The following DST variants were observed in gnomAD, a reference collection of about 807,000 sequenced individuals.
DST encodes bullous pemphigoid antigen.
In DST, 253 loss-of-function variants were observed where a neutral mutation model predicts 875.2. The observed-to-expected ratio is 0.29, with a 90% confidence interval of 0.26 to 0.32. The LOEUF is 0.32. Among genes scored for constraint, DST ranks in the 10% least tolerant of loss-of-function variants. DST has a pLI of 1.00. For missense variants in DST, 8,287 were observed against 9,111.6 expected, an observed-to-expected ratio of 0.91 and a Z score of 3.68; for synonymous variants, 3,124 against 3,197.1, an observed-to-expected ratio of 0.98 and a Z score of 0.77.
At chr6:56,861,813 G>A (rs1472833067) in intron 3 of DST, 2 of 152,136 alleles carry the variant, frequency 1.3e-5, no homozygotes. Flanking sequence ...TGACACCGTG[G>A]TATGCATCTT....
chr6:56,615,713 A>G lies in DST; in HGVS notation c.4930-1229T>C, dbSNP rs377386742. ...GAGTTTTGTGGCAATGAGGACATCT[A>G]TAATACCTACTTGGAGAGCCTCTTC... On this transcript the variant is annotated intron_variant, in intron 36 of 103. Coordinates refer to ENST00000680361, the MANE Select transcript of DST (RefSeq NM_001374736.1). The G allele has an allele frequency of 3.7e-6, 6 of 1,614,074 alleles. No individual in the cohort carries two copies. The African/African-American group carries it at 8.0e-5, about 22-fold the overall frequency.
At position 56,495,248 on chromosome 6, in the gene DST, C is replaced by A. The variant is rs545213382; in HGVS notation, c.20224-1068G>T. 2.0e-5 allele frequency among the ~76,000 whole-genome samples: 3 copies of A among 151,954 alleles called. No individual in the cohort carries two copies. The East Asian group carries it at 5.8e-4, about 29-fold the overall frequency. ...GTACTTTTCTTCATTTCTAGCACAA[C>A]AAAATCAAAAGAACTTTATTGAAAT... On this transcript the variant is annotated intron_variant, in intron 82 of 103. Coordinates refer to ENST00000680361, the MANE Select transcript of DST (RefSeq NM_001374736.1).
chr6:56,492,503 G>A, intron 84 of DST, 70 bp from the exon 85 acceptor site: 1 of 1,405,694 alleles, frequency 7.1e-7, no homozygotes, highest in Non-Finnish European at 9.8e-7. Context: ...TGCTTCTGGT[G>A]TCATAAACCT....
At chr6:56,489,399 A>T in intron 86 of DST, 91 bp downstream of exon 86, 2 of 1,318,166 alleles carry the variant, frequency 1.5e-6, no homozygotes, top group South Asian at 2.1e-5. Flanking sequence ...TTTTTTCTTT[A>T]GTGATGAATA....
chr6:56,617,704 T>C (rs2098641236), intron 36 of DST, among the ~76,000 whole-genome samples: 1 of 152,216 alleles, frequency 6.6e-6, no homozygotes, highest in Non-Finnish European at 1.5e-5. Flanking sequence ...TTGGTTCTTC[T>C]AGCTTTTTTG....
chr6:56,635,114 C>T (rs1368499820), intron 24 of DST, among the ~76,000 whole-genome samples, 161 bp from the exon 25 acceptor site: 2 of 152,138 alleles, frequency 1.3e-5, no homozygotes, highest in East Asian at 3.8e-4. Context: ...ATCCCTCTTC[C>T]TTTCTTTGGT....
chr6:56,616,013 C>T lies in DST; in HGVS notation c.4930-1529G>A, dbSNP rs760745500. 7.4e-6 allele frequency: 12 copies of T among 1,614,222 alleles called. No individual in the cohort carries two copies. The South Asian group carries it at 1.3e-4, about 18-fold the overall frequency. ...AAGAGGATCAATTATGCCCCCTGTA[C>T]TGACTTGGGCTTCAAGGCATCGGAG... On this transcript the variant is annotated intron_variant, in intron 36 of 103. Coordinates refer to ENST00000680361, the MANE Select transcript of DST (RefSeq NM_001374736.1).
intron 3 of DST, among the ~76,000 whole-genome samples, chr6:56,872,832 C>CCCGCTTTTTT (rs5876523): frequency 7.8e-6 from 1 of 127,860 alleles, no homozygotes. Context: ...TCCCCCCCCC[C>CCCGCTTTTTT]TTTTTTTTTT....
Position 56,482,177 on chromosome 6 carries a change from G to C in DST, c.21404C>G (p.Ala7135Gly), listed in dbSNP as rs1258917516. The stretch of plus-strand genomic sequence containing the variant: ...ATGTACCACCGAGTGGAATTCCTCT[G>C]CCTAAGAGTTCACACACACACACAC... ...QTRLEAALRQAEEFHSVVHAL... is the reference protein window; with the variant it reads ...QTRLEAALRQGEEFHSVVHAL... Residue 7135 changes from alanine to glycine, a missense_variant and splice_region_variant, in exon 90 of 104, where the codon GCA (alanine) becomes GGA (glycine). Ala to Gly is a moderately conservative substitution (Grantham distance 60). Coordinates refer to ENST00000680361, the MANE Select transcript of DST (RefSeq NM_001374736.1). The C allele has an allele frequency of 6.4e-7, 1 of 1,570,122 alleles. No homozygotes were observed. The highest frequency in any genetic ancestry group is 1.7e-5 in the Admixed American group (1 of 59,080).
chr6:56,883,853 A>G (rs1056570545), intron 3 of DST, among the ~76,000 whole-genome samples: 5 of 152,098 alleles, frequency 3.3e-5, no homozygotes, highest in African/African-American at 1.2e-4. Context: ...TCTAAAAGAT[A>G]ATAATTATTT....
At chr6:56,555,286 T>C (rs1584822569) in intron 60 of DST, 59 bp downstream of exon 60, 8 of 1,507,140 alleles carry the variant, frequency 5.3e-6, no homozygotes, top group East Asian at 4.5e-5. Context: ...ATCTTGGAAA[T>C]AGGCAATATA....
At chr6:56,851,913 CAATGAAGCCAG>C in intron 3 of DST, 1 of 1,541,728 alleles carries the variant, frequency 6.5e-7, no homozygotes, top group Non-Finnish European at 8.7e-7. Context: ...ACTGGCCCAA[CAATGAAGCCAG>C]AATCAACAGC....
intron 79 of DST, 59 bp from the exon 80 acceptor site, chr6:56,501,294 T>C: frequency 6.7e-7 from 1 of 1,484,676 alleles, no homozygotes; most frequent in Non-Finnish European, 9.0e-7. Flanking sequence ...ATGACATGTC[T>C]ATAAAACAAG....
chr6:56,573,400 T>C (rs1314890094), intron 51 of DST, among the ~76,000 whole-genome samples: 1 of 152,208 alleles, frequency 6.6e-6, no homozygotes, highest in African/African-American at 2.4e-5. Context: ...CATGTGCAGC[T>C]GGCTGAAACA....
At chr6:56,515,831 G>A (rs763231725) in intron 71 of DST, among the ~76,000 whole-genome samples, 163 bp from the exon 72 acceptor site, 21 of 151,960 alleles carry the variant, frequency 1.4e-4, no homozygotes, top group Non-Finnish European at 2.1e-4. Flanking sequence ...TGGTTTATAC[G>A]TACAAAAGTT....
intron 5 of DST, among the ~76,000 whole-genome samples, chr6:56,733,628 C>T (rs13198938): frequency 0.17 from 25,601 of 152,110 alleles, 2,370 homozygotes; most frequent in Middle Eastern, 0.21. Context: ...ATTTACCTGA[C>T]CTCAAAGGTG....
intron 9 of DST, among the ~76,000 whole-genome samples, chr6:56,690,675 T>G (rs2099222512): frequency 6.6e-6 from 1 of 152,208 alleles, no homozygotes; most frequent in Non-Finnish European, 1.5e-5. Flanking sequence ...AAAGGAATGT[T>G]GGTTAATCAG....
At chr6:56,814,943 G>C (rs2099764868) in intron 4 of DST, among the ~76,000 whole-genome samples, 1 of 152,112 alleles carries the variant, frequency 6.6e-6, no homozygotes, top group African/African-American at 2.4e-5. Flanking sequence ...AGGCAGGACG[G>C]TGGCAGAGAC....
intron 2 of DST, among the ~76,000 whole-genome samples, chr6:56,927,075 A>G (rs1807578508): frequency 1.3e-5 from 2 of 152,236 alleles, no homozygotes; most frequent in Non-Finnish European, 2.9e-5. Flanking sequence ...AAGGATAAAA[A>G]GGGCACCAGA....
Sources: allele counts gnomAD v4.1 joint callset (sites outside exome capture counted in the v4.1 genomes callset), GRCh38; gene constraint gnomAD v4.1.1; transcripts MANE v1.5; gene names NCBI Gene and HGNC (gene_info 2026-07-23, HGNC 2026-07-21).